SULT6B1: variants seen among roughly 807,000 people sequenced by gnomAD.
SULT6B1 encodes the protein sulfotransferase 6B1.
In SULT6B1, 44 loss-of-function variants were observed where a neutral mutation model predicts 37.2. The ratio of observed to expected loss-of-function variants is 1.18; its 90% confidence interval spans 0.93 to 1.52. SULT6B1 has a LOEUF of 1.52. Among genes scored for constraint, SULT6B1 ranks in the 40% most tolerant of loss-of-function variants. The pLI is 0.00. For synonymous variants in SULT6B1, 140 were observed against 126.0 expected (o/e 1.11, Z -0.74); for missense variants, 450 against 361.0 (o/e 1.25, Z -2.00).
At position 37,184,940 on chromosome 2, in the gene SULT6B1, G is replaced by A. The variant is rs1269290343; in HGVS notation, c.313-1426C>T. Among the ~76,000 whole-genome samples the A allele has an allele frequency of 2.0e-5, 3 of 152,070 alleles. No individual in the cohort carries two copies. The East Asian group carries it at 5.8e-4, about 29-fold the overall frequency. ...TTAAATCAATGATATGGATCCAAGC[G>A]GTGACTAGCAGTGTAAAATCTGATT... On this transcript the variant is annotated intron_variant, in intron 2 of 6. Coordinates refer to ENST00000535679, the MANE Select transcript of SULT6B1 (RefSeq NM_001367551.1).
chr2:37,193,614 A>AGAAGAAGAAGAG (rs1676829957), upstream of SULT6B1, among the ~76,000 whole-genome samples: 3 of 149,594 alleles, frequency 2.0e-5, no homozygotes, highest in African/African-American at 7.4e-5. Flanking sequence ...AAGAAGAAGA[A>AGAAGAAGAAGAG]GAAGAAGAAG....
chr2:37,193,294 T>TAAAAAAAAAAA (rs55842015), upstream of SULT6B1, among the ~76,000 whole-genome samples: 1 of 131,414 alleles, frequency 7.6e-6, no homozygotes, highest in Non-Finnish European at 1.6e-5. Flanking sequence ...TGTCTCTACT[T>TAAAAAAAAAAA]AAAAAAAAAA....
chr2:37,170,089 G>A (rs1250586096), intron 6 of SULT6B1, among the ~76,000 whole-genome samples: 1 of 152,126 alleles, frequency 6.6e-6, no homozygotes, highest in Non-Finnish European at 1.5e-5. Context: ...ACAAAACCCT[G>A]ATTTTAATTG....
At chr2:37,185,590 C>A (rs925135752) in intron 2 of SULT6B1, among the ~76,000 whole-genome samples, 4 of 151,668 alleles carry the variant, frequency 2.6e-5, no homozygotes, top group African/African-American at 9.7e-5. Flanking sequence ...TGATGGCGCA[C>A]ACCTATAATC....
chr2:37,193,597 AAAGAAGAAGAAGAAGAAGAAG>A (rs70949740), upstream of SULT6B1, among the ~76,000 whole-genome samples: 13 of 113,870 alleles, frequency 1.1e-4, no homozygotes, highest in East Asian at 1.3e-3. Flanking sequence ...AGAAGAAGAA[AAAGAAGAAGAAGAAGAAGAAG>A]AAGAAGAAGA....
chr2:37,180,921 T>C (rs1318993758), intron 3 of SULT6B1, among the ~76,000 whole-genome samples: 11 of 152,144 alleles, frequency 7.2e-5, no homozygotes, highest in Non-Finnish European at 5.9e-5. Flanking sequence ...TGGGTATAAA[T>C]AGTTAATTAA....
chr2:37,192,381 C>A (rs971987106), upstream of SULT6B1, among the ~76,000 whole-genome samples: 6 of 152,088 alleles, frequency 3.9e-5, no homozygotes, highest in Non-Finnish European at 8.8e-5. Flanking sequence ...AGAGAGGGTT[C>A]CTAGCTAGGC....
intron 3 of SULT6B1, among the ~76,000 whole-genome samples, chr2:37,182,933 C>A (rs986739286): frequency 1.3e-5 from 2 of 152,114 alleles, no homozygotes; most frequent in Non-Finnish European, 2.9e-5. Context: ...TGTAATCTCA[C>A]CACTTTGGGA....
chr2:37,183,434 A>G lies in SULT6B1; in HGVS notation c.393T>C (p.Asn131=). 6.2e-7 allele frequency: 1 copy of G among 1,613,700 alleles called. No homozygotes were observed. The highest frequency in any genetic ancestry group is 8.5e-7 in the Non-Finnish European group (1 of 1,179,600). Residue 131 remains asparagine (N), a synonymous_variant, in exon 3 of 7, where the codon AAT becomes AAC. Coordinates refer to ENST00000535679, the MANE Select transcript of SULT6B1 (RefSeq NM_001367551.1). ...YDKLPGSIFE[N]KAKILVIFRN... ...AGGAAAGGACACTCACCTTGGCTTT[A>G]TTCTCGAAGATAGACCCAGGTAATT...
intron 3 of SULT6B1, among the ~76,000 whole-genome samples, chr2:37,182,727 G>A (rs1178671244): frequency 6.6e-6 from 1 of 152,180 alleles, no homozygotes; most frequent in African/African-American, 2.4e-5. Context: ...GAGACCAGGA[G>A]AGAGGAAACA....
chr2:37,186,307 C>T (rs1013736195), intron 2 of SULT6B1, among the ~76,000 whole-genome samples: 2 of 152,272 alleles, frequency 1.3e-5, no homozygotes, highest in South Asian at 4.2e-4. Flanking sequence ...CCGCTGCATT[C>T]TGGTGTGTCT....
At chr2:37,170,761 C>A (rs889034219) in intron 6 of SULT6B1, among the ~76,000 whole-genome samples, 2 of 119,980 alleles carry the variant, frequency 1.7e-5, no homozygotes, top group African/African-American at 3.2e-5. Context: ...AAAAAAAAAA[C>A]TCACTGATGG....
chr2:37,188,719 G>C (rs2148300791), upstream of SULT6B1: 1 of 583,932 alleles, frequency 1.7e-6, no homozygotes, highest in East Asian at 2.9e-5. Context: ...GCAGGGGCTG[G>C]AATAAAGGGC....
upstream of SULT6B1, among the ~76,000 whole-genome samples, chr2:37,193,554 T>C (rs1467380296): frequency 8.4e-6 from 1 of 118,586 alleles, no homozygotes; most frequent in Non-Finnish European, 1.7e-5. Flanking sequence ...TTCCAGTCTA[T>C]AGACATTTAC....
Position 37,187,451 on chromosome 2 carries a change from G to A in SULT6B1, c.216C>T (p.Leu72=), listed in dbSNP as rs1471320577. 1.3e-6 allele frequency: 2 copies of A among 1,598,142 alleles called. No homozygotes were observed. The highest frequency in any genetic ancestry group is 3.4e-5 in the Admixed American group (2 of 59,546). Residue 72 remains leucine (L), a synonymous_variant, in exon 2 of 7, where the codon CTC becomes CTT. Coordinates refer to ENST00000535679, the MANE Select transcript of SULT6B1 (RefSeq NM_001367551.1). ...SYPKCGSNWI[L]HIVSELIYAV... is the part of the protein sequence containing the mutation. Reference sequence around the variant, plus strand: ...CATATATTAATTCACTGACAATGTGGAGAATCCAGTTTGAACCTATCAGAA... The same window carrying A: ...CATATATTAATTCACTGACAATGTGAAGAATCCAGTTTGAACCTATCAGAA...
At chr2:37,185,527 T>G (rs1006385773) in intron 2 of SULT6B1, among the ~76,000 whole-genome samples, 1 of 151,754 alleles carries the variant, frequency 6.6e-6, no homozygotes, top group African/African-American at 2.4e-5. Flanking sequence ...GAGTAGCCTG[T>G]CCAACATGAC....
chr2:37,173,072 C>T (rs1014401193), intron 5 of SULT6B1, among the ~76,000 whole-genome samples: 4 of 151,674 alleles, frequency 2.6e-5, no homozygotes, highest in Middle Eastern at 3.4e-3. Flanking sequence ...AGGCTTGTCT[C>T]GAACTCCCGA....
chr2:37,168,392 A>C (rs946237357), intron 6 of SULT6B1, among the ~76,000 whole-genome samples: 19 of 152,154 alleles, frequency 1.2e-4, no homozygotes, highest in Non-Finnish European at 2.4e-4. Context: ...TCCTGACCTC[A>C]GGTGATCCGC....
intron 2 of SULT6B1, among the ~76,000 whole-genome samples, chr2:37,186,258 T>C (rs1558451479): frequency 6.6e-6 from 1 of 152,174 alleles, no homozygotes; most frequent in Non-Finnish European, 1.5e-5. Flanking sequence ...AAAGTTTTAC[T>C]GAGACTGTGG....
Sources: gnomAD v4.1 joint callset for allele counts (sites outside exome capture counted in the v4.1 genomes callset) on GRCh38, gnomAD v4.1.1 for gene constraint, MANE v1.5 for transcripts, NCBI Gene and HGNC (gene_info 2026-07-23, HGNC 2026-07-21) for gene names.